The following VAV1 variants were observed in gnomAD, a reference collection of about 807,000 sequenced individuals.
VAV1 encodes the protein proto-oncogene vav.
A neutral mutation model predicts 128.1 loss-of-function variants in VAV1; 33 were observed. That is an observed-to-expected ratio of 0.26 (90% CI 0.20 to 0.34). The LOEUF (loss-of-function observed/expected upper bound fraction) is 0.34. Ranked by LOEUF, VAV1 falls within the 10% of genes least tolerant of loss-of-function variation. The pLI is 1.00. For missense variants in VAV1, 715 were observed against 1,093.7 expected (o/e 0.65, Z 4.88); for synonymous variants, 394 against 409.8 (o/e 0.96, Z 0.47).
chr19:6,814,044 A>G (rs1971569611), intron 1 of VAV1, among the ~76,000 whole-genome samples: 1 of 152,182 alleles, frequency 6.6e-6, no homozygotes, highest in Non-Finnish European at 1.5e-5. Flanking sequence ...TGGGTGACAG[A>G]GTGATACCCT....
chr19:6,852,939 C>A, intron 24 of VAV1, 26 bp from the exon 25 acceptor site: 1 of 1,593,368 alleles, frequency 6.3e-7, no homozygotes, highest in African/African-American at 1.3e-5. Context: ...GCTGGGATAG[C>A]ATCTGCCATG....
intron 1 of VAV1, among the ~76,000 whole-genome samples, chr19:6,818,495 A>G (rs1223923425): frequency 6.6e-6 from 1 of 152,170 alleles, no homozygotes; most frequent in East Asian, 1.9e-4. Context: ...ATCCTGCCTC[A>G]GGACCATTGC....
intron 22 of VAV1, among the ~76,000 whole-genome samples, chr19:6,845,581 ATT>A (rs1972501007): frequency 6.6e-6 from 1 of 151,252 alleles, no homozygotes; most frequent in Admixed American, 6.6e-5. Flanking sequence ...TATCATTTAT[ATT>A]GTGTATTTAT....
chr19:6,823,126 C>T (rs1249359161), intron 6 of VAV1, among the ~76,000 whole-genome samples: 5 of 115,394 alleles, frequency 4.3e-5, no homozygotes, highest in African/African-American at 6.8e-5. Context: ...CTTTATCTAT[C>T]TATCTTTTTT....
In VAV1 at chr19:6,848,126, C is replaced by T. The variant is rs758742779; in HGVS notation, c.2129+12C>T. On this transcript the variant is annotated intron_variant, in intron 23 of 26. Transcript: ENST00000602142. ...GCCATCAGCATTAAGTAACTCCTTT[C>T]TCCCTGACTCATACCCTTTTGGGGC... 20 of 1,540,706 alleles carry T rather than the reference C, an allele frequency of 1.3e-5. No homozygotes were observed. Among genetic ancestry groups the T allele is most frequent in the Non-Finnish European group, 1.6e-5 (19 of 1,151,958 alleles).
intron 1 of VAV1, among the ~76,000 whole-genome samples, chr19:6,796,059 T>G (rs2144721968): frequency 6.6e-6 from 1 of 152,322 alleles, no homozygotes; most frequent in South Asian, 2.1e-4. Flanking sequence ...ATGACGAATC[T>G]GCCTTCCTTC....
chr19:6,817,023 C>T (rs1043004260), intron 1 of VAV1, among the ~76,000 whole-genome samples: 2 of 151,862 alleles, frequency 1.3e-5, no homozygotes, highest in Non-Finnish European at 2.9e-5. Context: ...AATGCCTAAC[C>T]ATGTGTAGTA....
At chr19:6,832,548 T>C (rs948611834) in intron 15 of VAV1, among the ~76,000 whole-genome samples, 26 of 72,278 alleles carry the variant, frequency 3.6e-4, no homozygotes, top group Admixed American at 2.8e-3. Flanking sequence ...CCTCTTCTTC[T>C]TCCTCCTCCT....
chr19:6,827,863 G>A (rs73484438), intron 9 of VAV1, among the ~76,000 whole-genome samples: 3 of 151,736 alleles, frequency 2.0e-5, no homozygotes, highest in East Asian at 1.9e-4. Flanking sequence ...GCCTCCCAAA[G>A]TTCCTTCCAG....
At chr19:6,776,581 CA>C (rs1970648059) in intron 1 of VAV1, among the ~76,000 whole-genome samples, 1 of 151,244 alleles carries the variant, frequency 6.6e-6, no homozygotes, top group Non-Finnish European at 1.5e-5. Context: ...TTCACCCACT[CA>C]TCCGTCCATC....
intron 1 of VAV1, among the ~76,000 whole-genome samples, chr19:6,812,932 T>C (rs949705555): frequency 2.0e-5 from 3 of 152,152 alleles, no homozygotes; most frequent in African/African-American, 7.2e-5. Flanking sequence ...TTCCAGAACT[T>C]GAAACGTCCA....
chr19:6,785,759 A>G (rs1970878099), intron 1 of VAV1, among the ~76,000 whole-genome samples: 1 of 150,902 alleles, frequency 6.6e-6, no homozygotes, highest in Admixed American at 6.6e-5. Context: ...TCCTGGGCCC[A>G]AATGATTCTC....
At chr19:6,853,202 G>T in intron 25 of VAV1, 123 bp downstream of exon 25, 1 of 514,480 alleles carries the variant, frequency 1.9e-6, no homozygotes, top group Non-Finnish European at 3.4e-6. Flanking sequence ...GCAGTAGCAG[G>T]AACCCCTTTC....
intron 1 of VAV1, among the ~76,000 whole-genome samples, chr19:6,797,518 G>A (rs2617820): frequency 0.94 from 142,251 of 152,082 alleles, 66,626 homozygotes; most frequent in East Asian, 1. Flanking sequence ...AGCCTCACCA[G>A]TATAGTAAAA....
chr19:6,844,060 CTTCTTTTTTTTTTTTTT>C (rs1972450037), intron 22 of VAV1, among the ~76,000 whole-genome samples: 2 of 18,822 alleles, frequency 1.1e-4, no homozygotes, highest in East Asian at 1.9e-3. Context: ...TCTTCTTCTT[CTTCTTTTTTTTTTTTTT>C]TTTTTTTTTT....
At chr19:6,804,564 G>A (rs188891525) in intron 1 of VAV1, among the ~76,000 whole-genome samples, 30 of 150,470 alleles carry the variant, frequency 2.0e-4, no homozygotes, top group African/African-American at 5.6e-4. Flanking sequence ...TTACAGGCGC[G>A]TGCCACCACG....
At chr19:6,856,504 C>T (rs1291127664) in intron 26 of VAV1, among the ~76,000 whole-genome samples, 8 of 151,650 alleles carry the variant, frequency 5.3e-5, no homozygotes, top group South Asian at 4.2e-4. Flanking sequence ...GGCAGATCAC[C>T]GGAGGTCAGG....
intron 1 of VAV1, among the ~76,000 whole-genome samples, chr19:6,819,864 GTTTC>G (rs1313015821): frequency 1.3e-5 from 2 of 152,178 alleles, no homozygotes; most frequent in African/African-American, 4.8e-5. Flanking sequence ...GAATACAAAG[GTTTC>G]TTTCTTTCTT....
chr19:6,823,346 G>A (rs1278925890), intron 6 of VAV1, among the ~76,000 whole-genome samples: 1 of 151,122 alleles, frequency 6.6e-6, no homozygotes, highest in South Asian at 2.1e-4. Flanking sequence ...GGCTGGTCTC[G>A]AACTCTGACC....
Sources: allele counts gnomAD v4.1 joint callset (sites outside exome capture counted in the v4.1 genomes callset), GRCh38; gene constraint gnomAD v4.1.1; transcripts MANE v1.5; gene names NCBI Gene and HGNC (gene_info 2026-07-23, HGNC 2026-07-21).